Variants in TENM3 observed in about 807,000 individuals in gnomAD.
TENM3 encodes the protein teneurin-3.
A neutral mutation model predicts 255.1 loss-of-function variants in TENM3; 63 were observed. That is an observed-to-expected ratio of 0.25 (90% CI 0.20 to 0.30). The LOEUF (loss-of-function observed/expected upper bound fraction) is 0.30, where lower values mean the gene tolerates loss of function less well. Among genes scored for constraint, TENM3 ranks in the 10% least tolerant of loss-of-function variants. The probability of loss-of-function intolerance (pLI) is 1.00; values close to 1 mark genes in which losing one functional copy is unlikely to be tolerated. For synonymous variants in TENM3, 1,306 were observed against 1,322.3 expected, an observed-to-expected ratio of 0.99 and a Z score of 0.27; for missense variants, 2,929 against 3,461.1, an observed-to-expected ratio of 0.85 and a Z score of 3.86.
chr4:181,927,254 G>C, the TENM3 span, among the ~76,000 whole-genome samples: 1 of 152,360 alleles, frequency 6.6e-6, no homozygotes, highest in Middle Eastern at 3.4e-3. Context: ...ACGGAACCCA[G>C]CAAGCCAAGA....
chr4:182,575,730 A>G (rs72701958), intron 3 of TENM3, among the ~76,000 whole-genome samples: 15,880 of 152,226 alleles, frequency 0.1, 1,045 homozygotes, highest in Non-Finnish European at 0.14. Flanking sequence ...ATGCTTCTCT[A>G]TTTGGGGAAA....
chr4:182,160,103 C>T (rs1055989730), intron 1 of TENM3, among the ~76,000 whole-genome samples: 1 of 150,330 alleles, frequency 6.7e-6, no homozygotes, highest in Non-Finnish European at 1.5e-5. Context: ...CCCGGGTTCA[C>T]GCCATTCTCC....
At chr4:182,164,386 G>A (rs188676473) in intron 1 of TENM3, among the ~76,000 whole-genome samples, 183 of 152,234 alleles carry the variant, frequency 1.2e-3, no homozygotes, top group African/African-American at 3.9e-3. Context: ...AGTTAATATT[G>A]CTTTCTAAGT....
chr4:181,893,491 A>ACC, the TENM3 span, among the ~76,000 whole-genome samples: 2,598 of 24,552 alleles, frequency 0.11, 58 homozygotes, highest in African/African-American at 0.16. Flanking sequence ...TCCCCTGCCC[A>ACC]CCCCCCCCCC....
chr4:182,576,067 A>G (rs1744881431), intron 3 of TENM3, among the ~76,000 whole-genome samples: 1 of 152,222 alleles, frequency 6.6e-6, no homozygotes, highest in Non-Finnish European at 1.5e-5. Context: ...ACTTTAGACA[A>G]TGTTAAGAAA....
intron 3 of TENM3, chr4:182,448,894 G>T (rs1323679287): frequency 7.5e-5 from 19 of 254,926 alleles, no homozygotes; most frequent in Non-Finnish European, 1.5e-4. Flanking sequence ...CCGGCGCGAA[G>T]GGGTTAAGCG....
the TENM3 span, among the ~76,000 whole-genome samples, chr4:181,911,406 A>T: frequency 6.6e-6 from 1 of 152,234 alleles, no homozygotes; most frequent in Non-Finnish European, 1.5e-5. Flanking sequence ...TGGAGTTACA[A>T]TAAAGCCAAG....
At chr4:181,643,451 C>A in the TENM3 span, among the ~76,000 whole-genome samples, 1 of 152,176 alleles carries the variant, frequency 6.6e-6, no homozygotes, top group Non-Finnish European at 1.5e-5. Context: ...GACAATTTGA[C>A]TTCCTCTTTT....
At chr4:181,767,092 A>G in the TENM3 span, among the ~76,000 whole-genome samples, 9 of 129,342 alleles carry the variant, frequency 7.0e-5, 1 homozygote, top group Non-Finnish European at 1.1e-4. Context: ...CTCTACTAAA[A>G]ATACAAAAAA....
At chr4:182,438,581 G>A (rs1418781663) in intron 3 of TENM3, among the ~76,000 whole-genome samples, 2 of 151,986 alleles carry the variant, frequency 1.3e-5, no homozygotes, top group Non-Finnish European at 2.9e-5. Context: ...ATGAAACCCT[G>A]CCAGAAATTC....
the TENM3 span, among the ~76,000 whole-genome samples, chr4:181,816,390 C>G: frequency 6.6e-6 from 1 of 152,202 alleles, no homozygotes; most frequent in Non-Finnish European, 1.5e-5. Context: ...AAGGAAAACT[C>G]TATCCCCTGC....
the TENM3 span, among the ~76,000 whole-genome samples, chr4:181,601,194 T>C: frequency 3.9e-5 from 6 of 152,176 alleles, no homozygotes; most frequent in Non-Finnish European, 7.3e-5. Flanking sequence ...GGAATTTATC[T>C]TCTCCCAGTT....
chr4:182,608,301 T>C (rs2152425886), intron 4 of TENM3, among the ~76,000 whole-genome samples: 1 of 152,308 alleles, frequency 6.6e-6, no homozygotes, highest in Admixed American at 6.5e-5. Flanking sequence ...TCACTCATGC[T>C]AGAGTGCATT....
the TENM3 span, among the ~76,000 whole-genome samples, chr4:182,113,896 A>G: frequency 2.0e-5 from 3 of 152,204 alleles, no homozygotes; most frequent in South Asian, 2.1e-4. Flanking sequence ...TCTTCACCAG[A>G]ATATGCTAAG....
At chr4:182,156,153 T>C (rs1377781797) in intron 1 of TENM3, among the ~76,000 whole-genome samples, 3 of 151,966 alleles carry the variant, frequency 2.0e-5, no homozygotes, top group Non-Finnish European at 4.4e-5. Flanking sequence ...AATCTATTAG[T>C]TTTCGAGTCA....
At chr4:182,328,201 A>AG (rs1763530932) in intron 2 of TENM3, among the ~76,000 whole-genome samples, 1 of 151,986 alleles carries the variant, frequency 6.6e-6, no homozygotes, top group Non-Finnish European at 1.5e-5. Context: ...ATGGAGAGGA[A>AG]GGACTCTGTT....
At chr4:181,941,505 G>T in the TENM3 span, among the ~76,000 whole-genome samples, 1 of 151,898 alleles carries the variant, frequency 6.6e-6, no homozygotes, top group Non-Finnish European at 1.5e-5. Context: ...GTTCTATTTG[G>T]TTTCTTAGAT....
chr4:182,675,342 G>C (rs908314217), intron 7 of TENM3, among the ~76,000 whole-genome samples: 1 of 151,848 alleles, frequency 6.6e-6, no homozygotes, highest in Non-Finnish European at 1.5e-5. Context: ...AGGAGTTCAA[G>C]ACCGGCCTGA....
At position 182,793,776 on chromosome 4, in the gene TENM3, C is replaced by T. The variant is rs1352505440; in HGVS notation, c.7104C>T (p.Asp2368=). Residue 2368 remains aspartate, a synonymous_variant, in exon 26 of 28, where the codon GAC becomes GAT. Transcript: ENST00000511685. The surrounding 1 kb of genome is among the most constrained non-coding windows in gnomAD (Gnocchi z 5.7). The stretch of plus-strand genomic sequence containing the variant: ...TGGCAGGACGGTGGACAACACCTGA[C>T]ATAGAAATCTGGAAAAGAATTGGGA... ...DILAGRWTTP[D]IEIWKRIGKD... 3 of 1,613,956 alleles carry T rather than the reference C, an allele frequency of 1.9e-6. No homozygotes were observed. The highest frequency in any genetic ancestry group is 1.3e-5 in the African/African-American group (1 of 75,044).
Sources: allele counts gnomAD v4.1 joint callset (sites outside exome capture counted in the v4.1 genomes callset), GRCh38; gene constraint gnomAD v4.1.1; non-coding constraint Gnocchi (gnomAD v3.1); transcripts MANE v1.5; gene names NCBI Gene and HGNC (gene_info 2026-07-23, HGNC 2026-07-21).